The following NDNF variants were observed in gnomAD, a reference collection of about 807,000 sequenced individuals.
The protein encoded by NDNF is protein NDNF.
NDNF carries 16 observed loss-of-function variants against 42.0 expected under a neutral mutation model. That is an observed-to-expected ratio of 0.38 (90% CI 0.26 to 0.58). The LOEUF is 0.58. Ranked by LOEUF, NDNF falls within the 20% of genes least tolerant of loss-of-function variation. The probability of loss-of-function intolerance (pLI) is 0.67; values close to 1 mark genes in which losing one functional copy is unlikely to be tolerated. For synonymous variants in NDNF, 248 were observed against 251.7 expected (o/e 0.99, Z 0.14); for missense variants, 616 against 666.2 (o/e 0.92, Z 0.83).
intron 1 of NDNF, among the ~76,000 whole-genome samples, chr4:121,051,432 G>A (rs1030583838): frequency 6.6e-6 from 1 of 152,026 alleles, no homozygotes; most frequent in East Asian, 1.9e-4. Flanking sequence ...CAACTGACCT[G>A]GCATATCTTT....
At chr4:121,060,708 A>G (rs2148770727) in intron 1 of NDNF, among the ~76,000 whole-genome samples, 1 of 152,312 alleles carries the variant, frequency 6.6e-6, no homozygotes, top group East Asian at 1.9e-4. Context: ...AATAAATTGA[A>G]TAGAGTAAAA....
intron 3 of NDNF, among the ~76,000 whole-genome samples, chr4:121,039,206 A>AAAAAGAC: frequency 2.7e-5 from 1 of 37,536 alleles, no homozygotes; most frequent in Non-Finnish European, 7.5e-5. Context: ...ATATATATAT[A>AAAAAGAC]TATATATATA....
intron 1 of NDNF, among the ~76,000 whole-genome samples, chr4:121,065,920 A>T (rs1006962749): frequency 1.3e-5 from 2 of 152,086 alleles, no homozygotes; most frequent in Non-Finnish European, 2.9e-5. Context: ...CTGAAAAATA[A>T]AATTAATTTA....
At chr4:121,062,289 G>A (rs966546265) in intron 1 of NDNF, among the ~76,000 whole-genome samples, 2 of 152,192 alleles carry the variant, frequency 1.3e-5, no homozygotes, top group African/African-American at 4.8e-5. Flanking sequence ...CACCATATCT[G>A]AGGACATCAA....
rs1726877349 is a variant in NDNF at position 121,036,756 on chromosome 4, C to A, written c.1215G>T (p.Gln405His). ...TAGGTTTTCCTCTAAGCTGAAACTG[C>A]TGAATGCCTTCCACATTCTGAGACA... ...LLLSQNVEGI[Q>H]QFQLRGKPKA... The change falls in exon 4 of 4, where the codon CAG (glutamine) becomes CAT (histidine). Residue 405 changes from glutamine (Q) to histidine (H), a missense_variant. By Grantham distance (24) the Gln-to-His change is conservative (BLOSUM62 0). Coordinates refer to ENST00000379692, the MANE Select transcript of NDNF (RefSeq NM_024574.4). 6.8e-6 allele frequency: 11 copies of A among 1,614,164 alleles called. No individual in the cohort carries two copies. The highest frequency in any genetic ancestry group is 7.6e-6 in the Non-Finnish European group (9 of 1,180,038).
intron 1 of NDNF, among the ~76,000 whole-genome samples, chr4:121,068,924 C>T (rs1560611745): frequency 6.6e-6 from 1 of 152,062 alleles, no homozygotes; most frequent in Non-Finnish European, 1.5e-5. Flanking sequence ...CTAACGACGA[C>T]AACAAAAACA....
rs991309531 is a variant in NDNF at position 121,072,507 on chromosome 4, A to G, written c.-516T>C. The G allele has an allele frequency of 9.3e-5, 14 of 151,134 alleles. No homozygotes were observed. The highest frequency in any genetic ancestry group is 3.2e-4 in the African/African-American group (13 of 41,242). The allele number at this position is 151,134 out of a possible 1,614,324, so 9.4% of individuals were successfully genotyped here. ...GCGGGTGCGCTGCTCAGTTAGCTCC[A>G]CTCTCTCGCGGCTGGAAGTGGGGAG... On this transcript the variant is annotated 5_prime_UTR_variant, in exon 1 of 4. Transcript: ENST00000379692.
At chr4:121,065,735 C>CAG (rs928260781) in intron 1 of NDNF, among the ~76,000 whole-genome samples, 2 of 151,396 alleles carry the variant, frequency 1.3e-5, no homozygotes, top group Non-Finnish European at 2.9e-5. Context: ...CACACACACA[C>CAG]ACACATATAT....
At chr4:121,054,882 T>C (rs549700817) in intron 1 of NDNF, among the ~76,000 whole-genome samples, 13 of 152,298 alleles carry the variant, frequency 8.5e-5, no homozygotes, top group African/African-American at 3.1e-4. Context: ...AAGGCTGGAG[T>C]GCAGTGGTGC....
At position 121,037,612 on chromosome 4, in the gene NDNF, T is replaced by C. The variant is rs759701801; in HGVS notation, c.359A>G (p.Glu120Gly). 3 of 1,602,670 alleles carry C rather than the reference T, an allele frequency of 1.9e-6. No homozygotes were observed. In the South Asian group the frequency reaches 3.3e-5, roughly 18 times the overall value. Residue 120 changes from glutamate (E) to glycine (G), a missense_variant, in exon 4 of 4, where the codon GAG becomes GGG. Physicochemically the swap from Glu to Gly is moderately conservative, Grantham distance 98. Coordinates refer to ENST00000379692, the MANE Select transcript of NDNF (RefSeq NM_024574.4). ...GTAGGAGAATAACTCAGTGCCTTCC[T>C]CATTAATGATCTGCTGCTTCTGCTG... ...LEQQKQQIIN[E>G]EGTELFSYKG...
chr4:121,039,611 A>G (rs1030451864), intron 3 of NDNF, among the ~76,000 whole-genome samples: 1 of 152,082 alleles, frequency 6.6e-6, no homozygotes, highest in African/African-American at 2.4e-5. Context: ...TCTAGGCATC[A>G]GCAGTTTTTA....
chr4:121,049,699 T>C (rs1161201504), intron 1 of NDNF, among the ~76,000 whole-genome samples: 1 of 152,198 alleles, frequency 6.6e-6, no homozygotes, highest in Admixed American at 6.5e-5. Flanking sequence ...CTCAGGTAGA[T>C]ATTTTTATTT....
At position 121,037,036 on chromosome 4, in the gene NDNF, A is replaced by T; in HGVS notation, c.935T>A (p.Phe312Tyr). ...GTTGATGTTGACCACAAATACATCAAAGTAGTACTGCGTGTCGGGTTTCAG... is the reference window on the plus strand; with the variant it reads ...GTTGATGTTGACCACAAATACATCATAGTAGTACTGCGTGTCGGGTTTCAG... ...SDLKPDTQYY[F>Y]DVFVVNINSN... The change falls in exon 4 of 4, where the codon TTT becomes TAT. Residue 312 changes from phenylalanine to tyrosine, a missense_variant. Physicochemically the swap from Phe to Tyr is conservative, Grantham distance 22 (BLOSUM62 3). Transcript: ENST00000379692. 1 of 1,613,992 alleles carries T rather than the reference A, an allele frequency of 6.2e-7. No homozygotes were observed. The highest frequency in any genetic ancestry group is 2.2e-5 in the East Asian group (1 of 44,870).
chr4:121,071,018 C>A (rs1727585459), intron 1 of NDNF, among the ~76,000 whole-genome samples: 1 of 152,202 alleles, frequency 6.6e-6, no homozygotes, highest in South Asian at 2.1e-4. Context: ...GAAAGGTGAA[C>A]CGAGAGCGCA....
chr4:121,057,983 G>A (rs1247820671), intron 1 of NDNF, among the ~76,000 whole-genome samples: 2 of 152,068 alleles, frequency 1.3e-5, no homozygotes, highest in Non-Finnish European at 2.9e-5. Flanking sequence ...CAAAGACTTT[G>A]TTTCTTATGT....
intron 1 of NDNF, among the ~76,000 whole-genome samples, chr4:121,050,889 T>C (rs888195583): frequency 6.6e-6 from 1 of 152,150 alleles, no homozygotes; most frequent in Non-Finnish European, 1.5e-5. Flanking sequence ...AATGCCAATA[T>C]CCTACAGGGG....
rs757172180 is a variant in NDNF, at chr4:121,036,866, A to T, written c.1105T>A (p.Ser369Thr). ...AAGAAGGTGACTTTTTGGTGAGAAG[A>T]GACTGGAGCAAACCGTAGAAACTTT... ...GAKFLRFAPV[S>T]SHQKVTFFIH... is the part of the protein sequence containing the mutation. Residue 369 changes from serine to threonine, a missense_variant, in exon 4 of 4, where the codon TCT becomes ACT. Physicochemically the swap from Ser to Thr is moderately conservative, Grantham distance 58 (BLOSUM62 1). Coordinates refer to ENST00000379692, the MANE Select transcript of NDNF (RefSeq NM_024574.4). 5 of 1,614,002 alleles carry T rather than the reference A, an allele frequency of 3.1e-6. No individual in the cohort carries two copies. The highest frequency in any genetic ancestry group is 3.4e-6 in the Non-Finnish European group (4 of 1,180,044).
chr4:121,061,621 C>G (rs977604784), intron 1 of NDNF: 2 of 152,254 alleles, frequency 1.3e-5, no homozygotes, highest in African/African-American at 4.8e-5. Context: ...AGTCTTCTTG[C>G]AAACACCTGA....
rs898848652 is a variant in NDNF, at chr4:121,072,056, G to T, written c.-65C>A. 11 of 152,282 alleles carry T rather than the reference G, an allele frequency of 7.2e-5. No homozygotes were observed. The highest frequency in any genetic ancestry group is 2.4e-4 in the African/African-American group (10 of 41,452). The allele number at this position is 152,282 out of a possible 1,614,324, so 9.4% of individuals were successfully genotyped here. ...AATCCCTCCCCGTGGTGTGGTGTGC[G>T]AAATAGTCCACGTCCCCGGACCCTG... is the stretch of plus-strand genomic sequence containing the variant. On this transcript the variant is annotated 5_prime_UTR_variant, in exon 1 of 4. Coordinates refer to ENST00000379692, the MANE Select transcript of NDNF (RefSeq NM_024574.4).
Sources: gnomAD v4.1 joint callset for allele counts (sites outside exome capture counted in the v4.1 genomes callset) on GRCh38, gnomAD v4.1.1 for gene constraint, MANE v1.5 for transcripts, NCBI Gene and HGNC (gene_info 2026-07-23, HGNC 2026-07-21) for gene names.